Variants in LRRFIP2 observed in about 807,000 individuals in gnomAD.
The protein encoded by LRRFIP2 is LRR binding FLII interacting protein 2.
In LRRFIP2, 109 loss-of-function variants were observed where a neutral mutation model predicts 125.9. The ratio of observed to expected loss-of-function variants is 0.87; its 90% confidence interval spans 0.74 to 1.01. LRRFIP2 has a LOEUF of 1.01. Among genes scored for constraint, LRRFIP2 ranks in the 50% least tolerant of loss-of-function variants. The pLI is 0.00. For missense variants in LRRFIP2, 850 were observed against 862.3 expected, an observed-to-expected ratio of 0.99 and a Z score of 0.18; for synonymous variants, 291 against 293.1, an observed-to-expected ratio of 0.99 and a Z score of 0.07.
chr3:37,109,363 C>T (rs2094465878), intron 11 of LRRFIP2, among the ~76,000 whole-genome samples, 164 bp downstream of exon 11: 1 of 151,886 alleles, frequency 6.6e-6, no homozygotes, highest in Non-Finnish European at 1.5e-5. Context: ...TTTTTAATAC[C>T]CTAAAGTTGT....
intron 1 of LRRFIP2, among the ~76,000 whole-genome samples, chr3:37,161,954 A>T (rs762815493): frequency 1.5e-4 from 23 of 151,942 alleles, no homozygotes; most frequent in Non-Finnish European, 3.1e-4. Flanking sequence ...AGACCAAGGC[A>T]GGTGGATCCC....
intron 2 of LRRFIP2, among the ~76,000 whole-genome samples, chr3:37,147,392 C>T (rs1350531031): frequency 1.2e-4 from 18 of 152,184 alleles, no homozygotes; most frequent in Admixed American, 1.2e-3. Context: ...AAAATACCTG[C>T]ACATGTACGT....
chr3:37,108,236 A>C (rs2094419037), intron 12 of LRRFIP2, 107 bp from the exon 13 acceptor site: 3 of 836,872 alleles, frequency 3.6e-6, no homozygotes, highest in Non-Finnish European at 5.9e-6. Flanking sequence ...TCTCAAGATA[A>C]AGGTAACTGT....
intron 4 of LRRFIP2, among the ~76,000 whole-genome samples, chr3:37,122,529 G>A (rs2095099488): frequency 6.6e-6 from 1 of 152,112 alleles, no homozygotes; most frequent in South Asian, 2.1e-4. Flanking sequence ...GTAGGAAGAA[G>A]TGTTAACATT....
chr3:37,121,353 T>C, intron 6 of LRRFIP2, 139 bp downstream of exon 6: 2 of 715,722 alleles, frequency 2.8e-6, no homozygotes, highest in Non-Finnish European at 2.4e-6. Flanking sequence ...CATTTTCCAA[T>C]GAAAGGTCTT....
intron 19 of LRRFIP2, among the ~76,000 whole-genome samples, chr3:37,080,234 T>C (rs982503220): frequency 4.6e-5 from 7 of 151,696 alleles, no homozygotes; most frequent in African/African-American, 1.5e-4. Flanking sequence ...CCATCTCTAC[T>C]AAAAATACAA....
At chr3:37,130,401 T>C (rs1353564290) in intron 2 of LRRFIP2, among the ~76,000 whole-genome samples, 2 of 152,124 alleles carry the variant, frequency 1.3e-5, no homozygotes, top group East Asian at 1.9e-4. Flanking sequence ...TTATTACTTA[T>C]GGTTAAAGCA....
intron 1 of LRRFIP2, among the ~76,000 whole-genome samples, chr3:37,165,513 T>C (rs945136748): frequency 6.6e-6 from 1 of 151,924 alleles, no homozygotes; most frequent in Non-Finnish European, 1.5e-5. Context: ...TCCCAGCACT[T>C]TGGGAGGCCA....
chr3:37,063,630 G>T lies in LRRFIP2; in HGVS notation c.1749+112C>A, dbSNP rs1355851102. 5.0e-6 allele frequency: 4 copies of T among 798,384 alleles called. No homozygotes were observed. The Admixed American group carries it at 5.9e-5, about 12-fold the overall frequency. 49.5% of individuals were successfully genotyped at this position (798,384 alleles called of 1,614,324 possible). A position where few individuals can be genotyped will look rare whatever the true frequency, so the allele number is the denominator to read the frequency against. On this transcript the variant is annotated intron_variant, in intron 24 of 27. Transcript: ENST00000336686. ...ATTATCTATCCTTCATATCTCACTTGAGTACTGATGTTTGAAAGAAGCATA... is the reference window on the plus strand; with the variant it reads ...ATTATCTATCCTTCATATCTCACTTTAGTACTGATGTTTGAAAGAAGCATA...
chr3:37,101,000 G>A (rs756186909), intron 15 of LRRFIP2, among the ~76,000 whole-genome samples: 3 of 152,038 alleles, frequency 2.0e-5, no homozygotes, highest in Non-Finnish European at 1.5e-5. Context: ...ATTTAAATAC[G>A]ATCAGTGAAA....
intron 2 of LRRFIP2, among the ~76,000 whole-genome samples, chr3:37,141,153 A>G (rs1371740325): frequency 1.3e-5 from 2 of 152,240 alleles, no homozygotes; most frequent in Admixed American, 1.3e-4. Flanking sequence ...CCTGTTTCAA[A>G]AAATAAATGG....
At position 37,083,692 on chromosome 3, in the gene LRRFIP2, C is replaced by T. The variant is rs1213516327; in HGVS notation, c.1222G>A (p.Glu408Lys). 1 of 1,592,510 alleles carries T rather than the reference C, an allele frequency of 6.3e-7. No individual in the cohort carries two copies. Among genetic ancestry groups the T allele is most frequent in the Non-Finnish European group, 8.5e-7 (1 of 1,172,570 alleles). The change falls in exon 19 of 28, where the codon GAA (glutamate) becomes AAA (lysine). Residue 408 changes from glutamate to lysine, a missense_variant. Physicochemically the swap from Glu to Lys is moderately conservative, Grantham distance 56 (BLOSUM62 1). Coordinates refer to ENST00000336686, the MANE Select transcript of LRRFIP2 (RefSeq NM_006309.4). ...YQVDTLKDVI[E>K]EQEEQMAEFY... ...TCTGCCATCTGTTCCTCCTGCTCTT[C>T]AATAACATCCTTGAGTGTGTCTACT...
chr3:37,121,557 C>T, intron 5 of LRRFIP2, 21 bp from the exon 6 acceptor site: 2 of 1,613,418 alleles, frequency 1.2e-6, no homozygotes, highest in Non-Finnish European at 1.7e-6. Context: ...TGAAAATAAA[C>T]ACAGTAAAAG....
chr3:37,117,064 CA>C (rs889324969), intron 6 of LRRFIP2, among the ~76,000 whole-genome samples: 1 of 149,614 alleles, frequency 6.7e-6, no homozygotes, highest in African/African-American at 2.5e-5. Flanking sequence ...GACACTTCCC[CA>C]AAAATAAAGT....
At chr3:37,058,155 A>C (rs115878069) in intron 25 of LRRFIP2, among the ~76,000 whole-genome samples, 1,606 of 152,272 alleles carry the variant, frequency 0.011, 37 homozygotes, top group African/African-American at 0.036. Flanking sequence ...AAAGATGACA[A>C]ATGGATGTGG....
chr3:37,142,293 C>A (rs983796728), intron 2 of LRRFIP2, among the ~76,000 whole-genome samples: 1 of 151,904 alleles, frequency 6.6e-6, no homozygotes, highest in Non-Finnish European at 1.5e-5. Context: ...CACGTGTCAC[C>A]ATGCCTGGCT....
At chr3:37,118,597 A>C (rs1559925785) in intron 6 of LRRFIP2, among the ~76,000 whole-genome samples, 1 of 152,184 alleles carries the variant, frequency 6.6e-6, no homozygotes, top group African/African-American at 2.4e-5. Context: ...TTATTTTTAT[A>C]CATAATGTCT....
intron 15 of LRRFIP2, among the ~76,000 whole-genome samples, chr3:37,101,677 A>AG (rs2094059883): frequency 6.6e-6 from 1 of 150,676 alleles, no homozygotes; most frequent in Non-Finnish European, 1.5e-5. Flanking sequence ...AGAAAAAAAA[A>AG]AAAAAAAGAA....
intron 2 of LRRFIP2, among the ~76,000 whole-genome samples, chr3:37,129,618 G>A (rs562597066): frequency 5.3e-5 from 8 of 152,176 alleles, no homozygotes; most frequent in Non-Finnish European, 1.0e-4. Flanking sequence ...GCTCATTTCA[G>A]GAACTCTTCA....
Sources: allele counts gnomAD v4.1 joint callset (sites outside exome capture counted in the v4.1 genomes callset), GRCh38; gene constraint gnomAD v4.1.1; transcripts MANE v1.5; gene names NCBI Gene and HGNC (gene_info 2026-07-23, HGNC 2026-07-21).